The following SLC24A2 variants were observed in gnomAD, a reference collection of about 807,000 sequenced individuals.
SLC24A2 encodes the protein sodium/potassium/calcium exchanger 2.
Under a neutral mutation model 62.0 loss-of-function variants are expected in SLC24A2, and 36 were observed. That is an observed-to-expected ratio of 0.58 (90% confidence interval 0.44 to 0.77). SLC24A2 has a LOEUF of 0.77. Among genes scored for constraint, SLC24A2 ranks in the 30% least tolerant of loss-of-function variants. SLC24A2 has a pLI of 0.00. For missense variants in SLC24A2, 846 were observed against 817.9 expected (o/e 1.03, Z -0.42); for synonymous variants, 358 against 294.0 (o/e 1.22, Z -2.23).
the SLC24A2 span, among the ~76,000 whole-genome samples, chr9:20,273,501 T>C: frequency 6.6e-6 from 1 of 152,182 alleles, no homozygotes; most frequent in African/African-American, 2.4e-5. Flanking sequence ...GAGGCGAGTC[T>C]TTCCCATGCT....
rs748069224 is a variant in SLC24A2, at chr9:19,785,977, T to C, written c.890A>G (p.Asn297Ser). The C allele has an allele frequency of 2.5e-6, 4 of 1,614,102 alleles. No individual in the cohort carries two copies. The highest frequency in any genetic ancestry group is 1.1e-5 in the South Asian group (1 of 91,088). Residue 297 changes from asparagine (N) to serine (S), a missense_variant, in exon 2 of 11, where the codon AAT becomes AGT. Coordinates refer to ENST00000341998, the MANE Select transcript of SLC24A2 (RefSeq NM_020344.4). ...TGGTGCTGTCACCTTGACGACCTTA[T>C]TGCGGTTTATCATTTGCTTCACCCA... The part of the protein sequence containing the change: ...EKWVKQMINR[N>S]KVVKVTAPEA...
At chr9:19,959,915 A>C in the SLC24A2 span, among the ~76,000 whole-genome samples, 41 of 152,232 alleles carry the variant, frequency 2.7e-4, no homozygotes, top group African/African-American at 8.7e-4. Flanking sequence ...AAAGGGAAAA[A>C]GTTTATACAC....
the SLC24A2 span, among the ~76,000 whole-genome samples, chr9:20,232,981 T>G: frequency 1.3e-5 from 2 of 152,318 alleles, no homozygotes; most frequent in East Asian, 1.9e-4. Flanking sequence ...ACTTCATTAT[T>G]TACCCAGTAG....
At chr9:20,288,826 G>C in the SLC24A2 span, among the ~76,000 whole-genome samples, 1 of 151,920 alleles carries the variant, frequency 6.6e-6, no homozygotes, top group African/African-American at 2.4e-5. Context: ...CCTAGCTCTG[G>C]CTGTCTCCTA....
the SLC24A2 span, among the ~76,000 whole-genome samples, chr9:20,273,259 G>T: frequency 6.6e-6 from 1 of 152,138 alleles, no homozygotes; most frequent in South Asian, 2.1e-4. Context: ...AGCCATAAAA[G>T]AATTTTCTGA....
At chr9:19,787,053 C>G in intron 1 of SLC24A2, 34 bp from the exon 2 acceptor site, 1 of 1,347,440 alleles carries the variant, frequency 7.4e-7, no homozygotes, top group East Asian at 2.6e-5. Flanking sequence ...ATAAGTAAAT[C>G]ATAAAATCAC....
At chr9:20,057,147 T>C in the SLC24A2 span, among the ~76,000 whole-genome samples, 1 of 152,234 alleles carries the variant, frequency 6.6e-6, no homozygotes, top group African/African-American at 2.4e-5. Flanking sequence ...TATTCACAAA[T>C]ATTGGGCCAG....
chr9:20,051,657 C>CTCTCTTTTTTTTTTTTTTT, the SLC24A2 span, among the ~76,000 whole-genome samples: 18 of 73,508 alleles, frequency 2.4e-4, no homozygotes, highest in Admixed American at 1.0e-3. Flanking sequence ...TTTTCTTTCT[C>CTCTCTTTTTTTTTTTTTTT]TTTTTTTTTT....
chr9:20,276,008 T>C, the SLC24A2 span, among the ~76,000 whole-genome samples: 1 of 152,230 alleles, frequency 6.6e-6, no homozygotes, highest in African/African-American at 2.4e-5. Context: ...GGAGCTACAA[T>C]TCAAGGTAAG....
At chr9:20,197,060 G>A in the SLC24A2 span, among the ~76,000 whole-genome samples, 1 of 152,112 alleles carries the variant, frequency 6.6e-6, no homozygotes, top group Non-Finnish European at 1.5e-5. Context: ...ATTGGATTAG[G>A]TTGTCTCTGT....
chr9:20,067,015 C>T, the SLC24A2 span, among the ~76,000 whole-genome samples: 2 of 152,126 alleles, frequency 1.3e-5, no homozygotes, highest in Non-Finnish European at 2.9e-5. Flanking sequence ...AAAGTGATAA[C>T]AGGAAAATGT....
chr9:20,094,081 A>C, the SLC24A2 span, among the ~76,000 whole-genome samples: 1 of 152,212 alleles, frequency 6.6e-6, no homozygotes, highest in Non-Finnish European at 1.5e-5. Flanking sequence ...TAAGGTGTTG[A>C]TATTTGGACT....
intron 5 of SLC24A2, among the ~76,000 whole-genome samples, chr9:19,583,057 T>C (rs1284732214): frequency 6.6e-6 from 1 of 152,114 alleles, no homozygotes; most frequent in African/African-American, 2.4e-5. Context: ...TGGCACTTAC[T>C]TCTCTGCAAA....
the SLC24A2 span, among the ~76,000 whole-genome samples, chr9:19,954,431 G>C: frequency 1.3e-5 from 2 of 152,070 alleles, no homozygotes; most frequent in African/African-American, 4.8e-5. Flanking sequence ...GAGACTGAAA[G>C]GGAATGGTAC....
At chr9:19,744,232 C>T (rs1821763418) in intron 2 of SLC24A2, among the ~76,000 whole-genome samples, 1 of 152,164 alleles carries the variant, frequency 6.6e-6, no homozygotes, top group Non-Finnish European at 1.5e-5. Context: ...ATTCAAAATA[C>T]TGCTTCCTTG....
Position 19,737,950 on chromosome 9 carries a change from A to G in SLC24A2, c.930+47987T>C, listed in dbSNP as rs1821558482. On this transcript the variant is annotated intron_variant, in intron 2 of 10. Coordinates refer to ENST00000341998, the MANE Select transcript of SLC24A2 (RefSeq NM_020344.4). The stretch of plus-strand genomic sequence containing the variant: ...GAAGTAAATATATGAAAATTTAAGA[A>G]TAACATAAATTGTTTCATACTGCAA... Among the ~76,000 whole-genome samples the G allele has an allele frequency of 2.0e-5, 3 of 152,208 alleles. No homozygotes were observed. In the South Asian group the frequency reaches 6.2e-4, roughly 31 times the overall value.
chr9:19,827,333 T>C, the SLC24A2 span, among the ~76,000 whole-genome samples: 5 of 152,078 alleles, frequency 3.3e-5, no homozygotes, highest in Admixed American at 6.6e-5. Context: ...AGACGCAAGA[T>C]GACTTGGATG....
At chr9:19,700,284 T>C (rs1414781577) in intron 2 of SLC24A2, among the ~76,000 whole-genome samples, 2 of 152,150 alleles carry the variant, frequency 1.3e-5, no homozygotes. Flanking sequence ...GGATGTGAAC[T>C]AAACACCTTT....
chr9:19,559,740 C>T (rs1169695972), intron 7 of SLC24A2, among the ~76,000 whole-genome samples: 1 of 152,158 alleles, frequency 6.6e-6, no homozygotes, highest in Admixed American at 6.5e-5. Flanking sequence ...AAAGGAAATA[C>T]CTATAAACTC....
Sources: allele counts gnomAD v4.1 joint callset (sites outside exome capture counted in the v4.1 genomes callset), GRCh38; gene constraint gnomAD v4.1.1; transcripts MANE v1.5; gene names NCBI Gene and HGNC (gene_info 2026-07-23, HGNC 2026-07-21).